The following DPP10 variants were observed in gnomAD, a reference collection of about 807,000 sequenced individuals.
DPP10 encodes the protein inactive dipeptidyl peptidase 10.
A neutral mutation model predicts 120.9 loss-of-function variants in DPP10; 33 were observed. The ratio of observed to expected loss-of-function variants is 0.27; its 90% CI spans 0.21 to 0.37. The LOEUF is 0.37. DPP10 is among the 10% of genes least tolerant of loss of function. The pLI, the probability that DPP10 is intolerant of heterozygous loss-of-function variation, is 1.00. For missense variants in DPP10, 816 were observed against 942.8 expected (o/e 0.87, Z 1.76); for synonymous variants, 337 against 326.1 (o/e 1.03, Z -0.36).
intron 1 of DPP10, among the ~76,000 whole-genome samples, chr2:115,012,456 A>C (rs559392242): frequency 8.6e-4 from 131 of 152,290 alleles, no homozygotes; most frequent in African/African-American, 3.1e-3. Context: ...CCTCCACCAA[A>C]GCAGGCGTTG....
chr2:115,523,542 A>T (rs1241101616), intron 4 of DPP10, among the ~76,000 whole-genome samples: 1 of 152,058 alleles, frequency 6.6e-6, no homozygotes, highest in African/African-American at 2.4e-5. Flanking sequence ...GGAATTTTCT[A>T]ATCCCTGTAG....
intron 5 of DPP10, among the ~76,000 whole-genome samples, chr2:115,614,213 A>G (rs1372826832): frequency 6.6e-6 from 1 of 152,222 alleles, no homozygotes; most frequent in African/African-American, 2.4e-5. Flanking sequence ...ACCAGCTCTC[A>G]GCTTATGAGT....
intron 1 of DPP10, among the ~76,000 whole-genome samples, chr2:114,869,573 T>G (rs1052995951): frequency 1.3e-5 from 2 of 152,144 alleles, no homozygotes; most frequent in Non-Finnish European, 2.9e-5. Context: ...AACCCTAGGT[T>G]ATATAACTTG....
chr2:115,351,003 T>A (rs1173444669), intron 3 of DPP10, among the ~76,000 whole-genome samples: 1 of 152,112 alleles, frequency 6.6e-6, no homozygotes, highest in Admixed American at 6.6e-5. Flanking sequence ...AGCATTGGAC[T>A]AGCAATCTTA....
chr2:115,559,301 A>G (rs1157306041), intron 5 of DPP10, among the ~76,000 whole-genome samples: 4 of 152,176 alleles, frequency 2.6e-5, no homozygotes, highest in Non-Finnish European at 5.9e-5. Context: ...TATCAGAAAC[A>G]TTGTGAAATC....
chr2:115,235,654 C>T lies in DPP10; in HGVS notation c.61-73585C>T, dbSNP rs531905592. On this transcript the variant is annotated intron_variant, in intron 1 of 25. Transcript: ENST00000410059. ...CCAGCTCACTGCAACCTCCACCTCC[C>T]TGATTCAAGCGATTGTCCTGCCTCT... 1.1e-4 allele frequency among the ~76,000 whole-genome samples: 16 copies of T among 152,148 alleles called. No homozygotes were observed. In the South Asian group the frequency reaches 3.1e-3, roughly 30 times the overall value.
intron 1 of DPP10, among the ~76,000 whole-genome samples, chr2:114,767,971 T>C (rs959857728): frequency 4.0e-5 from 6 of 151,540 alleles, no homozygotes; most frequent in African/African-American, 1.5e-4. Context: ...CTACTAAACA[T>C]AGAAAAATTA....
At chr2:114,828,478 T>C (rs1181792366) in intron 1 of DPP10, 2 of 152,222 alleles carry the variant, frequency 1.3e-5, no homozygotes, top group Non-Finnish European at 2.9e-5. Context: ...AATCTACTAA[T>C]ATGCTTGTGG....
At chr2:115,198,699 A>G (rs1170106145) in intron 1 of DPP10, among the ~76,000 whole-genome samples, 1 of 152,078 alleles carries the variant, frequency 6.6e-6, no homozygotes, top group Admixed American at 6.6e-5. Context: ...CTCTCTGCTC[A>G]TCCCCCCAGC....
rs574883681 is a variant in DPP10 at position 115,339,397 on chromosome 2, G to A, written c.176-4420G>A. 7.9e-5 allele frequency among the ~76,000 whole-genome samples: 12 copies of A among 152,100 alleles called. No homozygotes were observed. The South Asian group carries it at 2.3e-3, about 29-fold the overall frequency. ...TAAAACTACTGTAAAAAAGCATATG[G>A]AATTTTTAAATAAAACTGTAATGTG... On this transcript the variant is annotated intron_variant, in intron 2 of 25. Transcript: ENST00000410059.
intron 1 of DPP10, among the ~76,000 whole-genome samples, chr2:114,495,433 TG>T (rs1682429158): frequency 6.6e-6 from 1 of 152,226 alleles, no homozygotes. Context: ...GCTTTAGCTC[TG>T]GGAAATTGTT....
chr2:114,525,418 A>G (rs1313197836), intron 1 of DPP10, among the ~76,000 whole-genome samples: 2 of 152,200 alleles, frequency 1.3e-5, no homozygotes, highest in Admixed American at 6.5e-5. Flanking sequence ...GAAGGAACAC[A>G]TGTGTTAAAA....
At chr2:115,115,150 A>G (rs1218785016) in intron 1 of DPP10, among the ~76,000 whole-genome samples, 1 of 152,026 alleles carries the variant, frequency 6.6e-6, no homozygotes, top group Non-Finnish European at 1.5e-5. Flanking sequence ...AGGAGGTGTT[A>G]TAGAAAACGG....
At chr2:115,074,189 A>AT (rs1368794764) in intron 1 of DPP10, among the ~76,000 whole-genome samples, 1 of 151,728 alleles carries the variant, frequency 6.6e-6, no homozygotes. Context: ...CTTTTTTAAA[A>AT]TTTTTTTTCA....
At chr2:115,788,200 ACT>A (rs1330876191) in intron 17 of DPP10, among the ~76,000 whole-genome samples, 1 of 152,096 alleles carries the variant, frequency 6.6e-6, no homozygotes, top group Non-Finnish European at 1.5e-5. Flanking sequence ...GAAATTTATG[ACT>A]CTAACTTATT....
At chr2:115,528,397 A>T (rs2078262765) in intron 5 of DPP10, among the ~76,000 whole-genome samples, 1 of 151,740 alleles carries the variant, frequency 6.6e-6, no homozygotes. Context: ...AAACCAAAAA[A>T]AAGAAATCTA....
chr2:115,645,150 A>C (rs2087129048), intron 5 of DPP10, among the ~76,000 whole-genome samples: 1 of 152,200 alleles, frequency 6.6e-6, no homozygotes, highest in Non-Finnish European at 1.5e-5. Flanking sequence ...AGACTGTTTT[A>C]GCTTAAAGGG....
intron 1 of DPP10, among the ~76,000 whole-genome samples, chr2:114,995,383 G>A (rs889864854): frequency 2.0e-5 from 3 of 151,422 alleles, no homozygotes; most frequent in African/African-American, 7.3e-5. Flanking sequence ...ATTACATTTT[G>A]GTTGAATTGA....
intron 1 of DPP10, among the ~76,000 whole-genome samples, chr2:114,526,718 G>T (rs892938244): frequency 6.6e-6 from 1 of 152,084 alleles, no homozygotes; most frequent in Non-Finnish European, 1.5e-5. Context: ...GAATGAGAGA[G>T]CCCTCTTGGG....
Sources: gnomAD v4.1 joint callset for allele counts (sites outside exome capture counted in the v4.1 genomes callset) on GRCh38, gnomAD v4.1.1 for gene constraint, MANE v1.5 for transcripts, NCBI Gene and HGNC (gene_info 2026-07-23, HGNC 2026-07-21) for gene names.